The following IPO9 variants were observed in gnomAD, a reference collection of about 807,000 sequenced individuals.
The protein encoded by IPO9 is importin-9.
A neutral mutation model predicts 128.6 loss-of-function variants in IPO9; 28 were observed. The ratio of observed to expected loss-of-function variants is 0.22; its 90% CI spans 0.16 to 0.30. The LOEUF (loss-of-function observed/expected upper bound fraction) is 0.30, where lower values mean the gene tolerates loss of function less well. Among genes scored for constraint, IPO9 ranks in the 10% least tolerant of loss-of-function variants. The pLI, the probability that IPO9 is intolerant of heterozygous loss-of-function variation, is 1.00. For missense variants in IPO9, 935 were observed against 1,293.9 expected (o/e 0.72, Z 4.26); for synonymous variants, 455 against 475.8 (o/e 0.96, Z 0.57).
At chr1:201,869,450 C>A (rs1680610742) in intron 16 of IPO9, 140 bp from the exon 17 acceptor site, 2 of 963,808 alleles carry the variant, frequency 2.1e-6, no homozygotes, top group Non-Finnish European at 3.1e-6. Flanking sequence ...TTTAATTATT[C>A]CTTTTATTTT....
Position 201,854,674 on chromosome 1 carries a change from G to A in IPO9, c.770G>A (p.Gly257Asp), listed in dbSNP as rs539603883. The A allele has an allele frequency of 9.3e-6, 15 of 1,614,148 alleles. No individual in the cohort carries two copies. In the African/African-American group the frequency reaches 2.0e-4, roughly 22 times the overall value. Residue 257 changes from glycine to aspartate, a missense_variant, in exon 7 of 24, where the codon GGC becomes GAC. Gly to Asp is a moderately conservative substitution (Grantham distance 94). Around this residue, in one of 3 missense-constraint regions of IPO9, gnomAD observed 741 missense variants for 1,019.1 expected, o/e 0.73. Coordinates refer to ENST00000361565, the MANE Select transcript of IPO9 (RefSeq NM_018085.5). ...GTTCAGGCCCTCCAGATACCAGATG[G>A]CCCCACATCTGACAGTGGGTTTAAG... ...AFVQALQIPDGPTSDSGFKME... is the reference protein window; with the variant it reads ...AFVQALQIPDDPTSDSGFKME...
chr1:201,846,073 A>C (rs1294817446), intron 1 of IPO9, among the ~76,000 whole-genome samples: 1 of 152,184 alleles, frequency 6.6e-6, no homozygotes, highest in African/African-American at 2.4e-5. Context: ...ATGCCACTGC[A>C]CTCCAGCCTG....
At position 201,876,034 on chromosome 1, in the gene IPO9, C is replaced by T; in HGVS notation, c.3106C>T (p.Leu1036=). The change falls in exon 24 of 24, where the codon CTA becomes TTA. Residue 1036 remains leucine, a synonymous_variant. Transcript: ENST00000361565. The part of the protein sequence containing the change: ...GHLNDNERRV[L]QTIGI ...CCTTAATGACAATGAGAGGCGAGTT[C>T]TACAGACCATCGGCATCTAAAAAGG... 6.2e-7 allele frequency: 1 copy of T among 1,611,976 alleles called. No individual in the cohort carries two copies. The highest frequency in any genetic ancestry group is 8.5e-7 in the Non-Finnish European group (1 of 1,177,988).
intron 13 of IPO9, among the ~76,000 whole-genome samples, chr1:201,862,728 C>A (rs530476095): frequency 9.9e-5 from 15 of 151,030 alleles, no homozygotes; most frequent in African/African-American, 3.6e-4. Context: ...ATCACTTGAA[C>A]CAGGGAGGTG....
intron 6 of IPO9, among the ~76,000 whole-genome samples, chr1:201,854,219 T>TAA (rs1680277334): frequency 6.6e-6 from 1 of 152,252 alleles, no homozygotes; most frequent in Non-Finnish European, 1.5e-5. Context: ...TTTTGAGTCT[T>TAA]ACTTCTTCAA....
chr1:201,873,738 ACT>A (rs1165782649), intron 20 of IPO9, among the ~76,000 whole-genome samples: 3 of 151,680 alleles, frequency 2.0e-5, no homozygotes, highest in Admixed American at 1.3e-4. Flanking sequence ...TAAGAGCAAA[ACT>A]CTGTCTGAAG....
At chr1:201,849,170 G>A (rs1438512413) in intron 4 of IPO9, among the ~76,000 whole-genome samples, 1 of 152,208 alleles carries the variant, frequency 6.6e-6, no homozygotes, top group Non-Finnish European at 1.5e-5. Context: ...TAGCCAGTTA[G>A]AGAATATGTA....
In IPO9 at chr1:201,879,015, T is replaced by G. The variant is rs1680831962; in HGVS notation, c.*2961T>G. 1 of 152,190 alleles carries G rather than the reference T, an allele frequency of 6.6e-6. No individual in the cohort carries two copies. Among genetic ancestry groups the G allele is most frequent in the Non-Finnish European group, 1.5e-5 (1 of 68,032 alleles). 9.4% of individuals were successfully genotyped at this position (152,190 alleles called of 1,614,324 possible). On this transcript the variant is annotated 3_prime_UTR_variant, in exon 24 of 24. Transcript: ENST00000361565. ...AGTCTCCTGACTGGTAAACAGCAGC[T>G]GGGGCACCAAGGGGCTCCCAGGAGT...
rs1377484685 is a variant in IPO9 at position 201,866,779 on chromosome 1, C to T, written c.1675C>T (p.Pro559Ser). ...CTCAGAGAGTACCCACGTGCTCCAG[C>T]CCTTCCTCCCCAGCATCCTTGATGG... is the stretch of plus-strand genomic sequence containing the variant. ...KVSESTHVLQPFLPSILDGLI... is the reference protein window; with the variant it reads ...KVSESTHVLQSFLPSILDGLI... Residue 559 changes from proline (P) to serine (S), a missense_variant, in exon 15 of 24, where the codon CCC (proline) becomes TCC (serine). Physicochemically the swap from Pro to Ser is moderately conservative, Grantham distance 74. Transcript: ENST00000361565. 6.2e-7 allele frequency: 1 copy of T among 1,614,122 alleles called. No homozygotes were observed. The highest frequency in any genetic ancestry group is 2.2e-5 in the East Asian group (1 of 44,882).
At chr1:201,867,731 T>G (rs1004792478) in intron 15 of IPO9, among the ~76,000 whole-genome samples, 1 of 152,168 alleles carries the variant, frequency 6.6e-6, no homozygotes, top group Non-Finnish European at 1.5e-5. Context: ...AATACCTTAT[T>G]ACTAGTAAAA....
chr1:201,832,178 G>A (rs772454254), intron 1 of IPO9, among the ~76,000 whole-genome samples: 1 of 151,962 alleles, frequency 6.6e-6, no homozygotes, highest in Non-Finnish European at 1.5e-5. Context: ...TGGGATTACA[G>A]CCGTGAGCCA....
chr1:201,860,678 CTT>C (rs777752489), intron 13 of IPO9, among the ~76,000 whole-genome samples: 13 of 152,154 alleles, frequency 8.5e-5, no homozygotes, highest in African/African-American at 3.1e-4. Flanking sequence ...CATTCTGAAA[CTT>C]TTTGGTTACA....
At chr1:201,842,470 C>A (rs1410785077) in intron 1 of IPO9, among the ~76,000 whole-genome samples, 1 of 152,122 alleles carries the variant, frequency 6.6e-6, no homozygotes, top group African/African-American at 2.4e-5. Flanking sequence ...AGTCCCAACC[C>A]TCTAAGCCTG....
intron 6 of IPO9, among the ~76,000 whole-genome samples, chr1:201,854,202 A>T (rs967637990): frequency 1.9e-4 from 29 of 152,204 alleles, no homozygotes; most frequent in Admixed American, 1.6e-3. Flanking sequence ...TAAAAAGCTT[A>T]GTCTTCTTTT....
In IPO9 at chr1:201,857,290, G is replaced by A. The variant is rs1680347381; in HGVS notation, c.1221+96G>A. 12 of 803,510 alleles carry A rather than the reference G, an allele frequency of 1.5e-5. No homozygotes were observed. The South Asian group carries it at 1.8e-4, about 12-fold the overall frequency. The allele number at this position is 803,510 out of a possible 1,614,324, so 49.8% of individuals were successfully genotyped here. A position where few individuals can be genotyped will look rare whatever the true frequency, so the allele number is the denominator to read the frequency against. On this transcript the variant is annotated intron_variant, in intron 11 of 23. Transcript: ENST00000361565. ...CAACTAATCCAAGGTGAGCAGTGTT[G>A]TTGGGTGGCTTTATCTCAGACTTTA... is the stretch of plus-strand genomic sequence containing the variant.
At chr1:201,875,106 C>T in intron 22 of IPO9, 46 bp from the exon 23 acceptor site, 1 of 1,553,656 alleles carries the variant, frequency 6.4e-7, no homozygotes, top group Non-Finnish European at 8.9e-7. Flanking sequence ...AGGGCCTGAT[C>T]ATGGGCCTTT....
rs921821560 is a variant in IPO9 at position 201,883,643 on chromosome 1, G to C, written c.*7589G>C. On this transcript the variant is annotated 3_prime_UTR_variant, in exon 24 of 24. Coordinates refer to ENST00000361565, the MANE Select transcript of IPO9 (RefSeq NM_018085.5). Reference sequence around the variant, plus strand: ...CTTAGAGGGCTCACCTCAATGTTTTGCACTGTGTGAGACCCCAGGACCTTT... The same window carrying C: ...CTTAGAGGGCTCACCTCAATGTTTTCCACTGTGTGAGACCCCAGGACCTTT... 4 of 152,220 alleles carry C rather than the reference G, an allele frequency of 2.6e-5. No individual in the cohort carries two copies. The highest frequency in any genetic ancestry group is 5.9e-5 in the Non-Finnish European group (4 of 68,080). The allele number at this position is 152,220 out of a possible 1,614,324, so 9.4% of individuals were successfully genotyped here.
chr1:201,834,742 A>G (rs1290468293), intron 1 of IPO9, among the ~76,000 whole-genome samples: 4 of 152,354 alleles, frequency 2.6e-5, no homozygotes, highest in African/African-American at 9.6e-5. Context: ...TTCCCAGTAG[A>G]TAAGTCACAG....
At position 201,874,388 on chromosome 1, in the gene IPO9, A is replaced by G; in HGVS notation, c.2833+16A>G. 2 of 1,603,272 alleles carry G rather than the reference A, an allele frequency of 1.2e-6. No individual in the cohort carries two copies. The highest frequency in any genetic ancestry group is 2.2e-5 in the South Asian group (2 of 89,742). On this transcript the variant is annotated intron_variant, in intron 21 of 23. Transcript: ENST00000361565. ...TGGAGTCAAGGTGCACCAGGCCCTT[A>G]CTCCCAGGAGACTTTTAGCCTGGCA...
Sources: allele counts gnomAD v4.1 joint callset (sites outside exome capture counted in the v4.1 genomes callset), GRCh38; gene constraint gnomAD v4.1.1; regional missense constraint gnomAD v4.1.1; transcripts MANE v1.5; gene names NCBI Gene and HGNC (gene_info 2026-07-23, HGNC 2026-07-21).